ERC2: variants seen among roughly 807,000 people sequenced by gnomAD.
The protein encoded by ERC2 is ELKS/RAB6-interacting/CAST family member 2.
In ERC2, 42 loss-of-function variants were observed where a neutral mutation model predicts 114.8. The observed-to-expected ratio is 0.37, with a 90% CI of 0.29 to 0.47. The LOEUF (loss-of-function observed/expected upper bound fraction) is 0.47, where lower values mean the gene tolerates loss of function less well. ERC2 is among the 20% of genes least tolerant of loss of function. The probability of loss-of-function intolerance (pLI) is 0.99; values close to 1 mark genes in which losing one functional copy is unlikely to be tolerated. For synonymous variants in ERC2, 454 were observed against 425.5 expected, an observed-to-expected ratio of 1.07 and a Z score of -0.82; for missense variants, 939 against 1,150.7, an observed-to-expected ratio of 0.82 and a Z score of 2.66.
chr3:55,669,323 C>A (rs1426291065), intron 17 of ERC2, among the ~76,000 whole-genome samples: 2 of 152,162 alleles, frequency 1.3e-5, no homozygotes, highest in Non-Finnish European at 2.9e-5. Flanking sequence ...TAGAACATAC[C>A]CTGCTTGCAC....
intron 17 of ERC2, among the ~76,000 whole-genome samples, chr3:55,650,829 C>T (rs994403071): frequency 9.1e-5 from 13 of 143,218 alleles, no homozygotes; most frequent in African/African-American, 3.1e-4. Flanking sequence ...TTGTGTCTGC[C>T]TCTCATAGGG....
intron 7 of ERC2, among the ~76,000 whole-genome samples, chr3:56,078,050 G>C (rs1290393007): frequency 6.6e-6 from 1 of 152,068 alleles, no homozygotes; most frequent in East Asian, 1.9e-4. Context: ...TGAATCCTTA[G>C]AACATGCTCC....
At chr3:55,725,824 A>G (rs1358337057) in intron 15 of ERC2, among the ~76,000 whole-genome samples, 1 of 152,240 alleles carries the variant, frequency 6.6e-6, no homozygotes, top group Non-Finnish European at 1.5e-5. Context: ...CTTTGCCTCC[A>G]TATTCACTGA....
chr3:55,953,623 C>G (rs2067728803), intron 12 of ERC2, among the ~76,000 whole-genome samples: 1 of 152,206 alleles, frequency 6.6e-6, no homozygotes, highest in African/African-American at 2.4e-5. Context: ...GCCTCACTAC[C>G]AGATAACCCC....
chr3:56,007,275 G>A lies in ERC2; in HGVS notation c.1967C>T (p.Ala656Val), dbSNP rs764318336. Residue 656 changes from alanine (A) to valine (V), a missense_variant, in exon 10 of 18, where the codon GCG becomes GTG. Physicochemically the swap from Ala to Val is moderately conservative, Grantham distance 64 (BLOSUM62 0). This residue lies in a region of ERC2 where 149 missense variants were observed against 254.6 expected (regional missense o/e 0.59). Coordinates refer to ENST00000288221, the MANE Select transcript of ERC2 (RefSeq NM_015576.3). Reference sequence around the variant, plus strand: ...TAATTTGGAATCCCTTTTCAGCCCCGCAGAGGCTAATGAAGATGCATGTTC... The same window carrying A: ...TAATTTGGAATCCCTTTTCAGCCCCACAGAGGCTAATGAAGATGCATGTTC... ...LKEHASSLASAGLKRDSKLKS... is the reference protein window; with the variant it reads ...LKEHASSLASVGLKRDSKLKS... 38 of 1,596,884 alleles carry A rather than the reference G, an allele frequency of 2.4e-5. No individual in the cohort carries two copies. Among genetic ancestry groups the A allele is most frequent in the East Asian group, 1.4e-4 (6 of 44,400 alleles).
chr3:56,449,279 A>T (rs2062724538), intron 1 of ERC2, among the ~76,000 whole-genome samples: 1 of 152,006 alleles, frequency 6.6e-6, no homozygotes, highest in South Asian at 2.1e-4. Context: ...TCATTTAGGC[A>T]AGGAGGTCAC....
intron 17 of ERC2, among the ~76,000 whole-genome samples, chr3:55,653,463 A>G (rs2060725979): frequency 6.6e-6 from 1 of 152,236 alleles, no homozygotes; most frequent in South Asian, 2.1e-4. Flanking sequence ...ACCACAAAGC[A>G]ATGACAGATT....
chr3:55,982,934 G>A lies in ERC2; in HGVS notation c.2267+3043C>T, dbSNP rs140310342. Among the ~76,000 whole-genome samples, 388 of 152,366 alleles carry A rather than the reference G, an allele frequency of 2.5e-3. 1 individual carries two copies. The highest frequency in any genetic ancestry group is 6.8e-3 in the Middle Eastern group (2 of 294). ...TCACAAAGAGTTTATTTTGGTACAAGTGTTTGAAGTGACTCTATAATAACG... is the reference window on the plus strand; with the variant it reads ...TCACAAAGAGTTTATTTTGGTACAAATGTTTGAAGTGACTCTATAATAACG... On this transcript the variant is annotated intron_variant, in intron 12 of 17. Transcript: ENST00000288221.
intron 15 of ERC2, among the ~76,000 whole-genome samples, chr3:55,734,145 C>G (rs933551870): frequency 5.3e-5 from 8 of 152,140 alleles, no homozygotes; most frequent in African/African-American, 1.9e-4. Flanking sequence ...CCATGTCCCT[C>G]AAAACAAATA....
At chr3:55,629,544 A>G (rs939807770) in intron 17 of ERC2, among the ~76,000 whole-genome samples, 1 of 152,204 alleles carries the variant, frequency 6.6e-6, no homozygotes, top group African/African-American at 2.4e-5. Context: ...TAAATGACCA[A>G]AGTATCCTAA....
intron 6 of ERC2, among the ~76,000 whole-genome samples, chr3:56,136,454 C>G (rs762719612): frequency 1.3e-5 from 2 of 151,792 alleles, no homozygotes; most frequent in Non-Finnish European, 2.9e-5. Context: ...TTTAGGTTCA[C>G]GGATACATGT....
chr3:55,856,822 T>C lies in ERC2; in HGVS notation c.2564+31567A>G, dbSNP rs556739235. 2.0e-4 allele frequency among the ~76,000 whole-genome samples: 31 copies of C among 152,314 alleles called. 1 individual carries two copies. The highest frequency in any genetic ancestry group is 2.5e-4 in the Non-Finnish European group (17 of 68,030). On this transcript the variant is annotated intron_variant, in intron 14 of 17. Transcript: ENST00000288221. ...TGTGATATATCTGTTCAATAGAATATTATTTGGCAATAAAAAGAAATGAAG... is the reference window on the plus strand; with the variant it reads ...TGTGATATATCTGTTCAATAGAATACTATTTGGCAATAAAAAGAAATGAAG...
intron 4 of ERC2, among the ~76,000 whole-genome samples, chr3:56,167,824 T>C (rs1454557357): frequency 1.3e-5 from 2 of 152,178 alleles, no homozygotes; most frequent in Admixed American, 6.6e-5. Context: ...ACAGGGCATA[T>C]GTTGGCTGTA....
At chr3:56,100,891 C>T (rs950611465) in intron 6 of ERC2, among the ~76,000 whole-genome samples, 8 of 151,982 alleles carry the variant, frequency 5.3e-5, no homozygotes, top group Non-Finnish European at 8.8e-5. Context: ...ATTCAGAAGA[C>T]GGAATTACAA....
At chr3:55,894,205 A>G (rs1409768834) in intron 13 of ERC2, among the ~76,000 whole-genome samples, 1 of 152,174 alleles carries the variant, frequency 6.6e-6, no homozygotes, top group African/African-American at 2.4e-5. Context: ...ATAATATTCA[A>G]TAAGCACTAT....
intron 14 of ERC2, among the ~76,000 whole-genome samples, chr3:55,767,061 G>C (rs760267464): frequency 6.6e-5 from 10 of 152,130 alleles, no homozygotes; most frequent in Non-Finnish European, 1.5e-5. Flanking sequence ...TCCTGTAACG[G>C]GCATCAGTGA....
chr3:56,214,798 GC>G (rs144831761), intron 3 of ERC2, among the ~76,000 whole-genome samples: 68,891 of 151,938 alleles, frequency 0.45, 16,079 homozygotes, highest in East Asian at 0.71. Flanking sequence ...TGAGCTCTCG[GC>G]AGAAACTCTA....
intron 9 of ERC2, among the ~76,000 whole-genome samples, chr3:56,008,271 T>C (rs1021812415): frequency 6.6e-6 from 1 of 152,160 alleles, no homozygotes; most frequent in South Asian, 2.1e-4. Context: ...ATAACCTTGA[T>C]GATAAAAATC....
chr3:55,713,647 A>G (rs2063915178), intron 15 of ERC2, among the ~76,000 whole-genome samples: 1 of 152,054 alleles, frequency 6.6e-6, no homozygotes, highest in Non-Finnish European at 1.5e-5. Flanking sequence ...GATGCATCCT[A>G]TTTTCACCAA....
Sources: gnomAD v4.1 joint callset for allele counts (sites outside exome capture counted in the v4.1 genomes callset) on GRCh38, gnomAD v4.1.1 for gene constraint, gnomAD v4.1.1 regional missense constraint, MANE v1.5 for transcripts, NCBI Gene and HGNC (gene_info 2026-07-23, HGNC 2026-07-21) for gene names.